Variants in MECOM observed in about 807,000 individuals in gnomAD.
The protein encoded by MECOM is histone-lysine N-methyltransferase MECOM.
In MECOM, 13 loss-of-function variants were observed where a neutral mutation model predicts 116.3. The observed-to-expected ratio is 0.11, with a 90% confidence interval of 0.07 to 0.18. MECOM has a LOEUF of 0.18. Among genes scored for constraint, MECOM ranks in the 10% least tolerant of loss-of-function variants. MECOM has a pLI of 1.00. For synonymous variants in MECOM, 528 were observed against 535.2 expected (o/e 0.99, Z 0.19); for missense variants, 1,299 against 1,509.0 (o/e 0.86, Z 2.31).
intron 2 of MECOM, 150 bp from the exon 3 acceptor site, chr3:169,143,982 G>A (rs188363787): frequency 2.3e-6 from 2 of 855,386 alleles, no homozygotes; most frequent in Admixed American, 3.2e-5. Context: ...GAGGGGAAAT[G>A]AGAAGTTACC....
At chr3:169,626,971 G>T (rs1368210418) in intron 1 of MECOM, among the ~76,000 whole-genome samples, 1 of 151,990 alleles carries the variant, frequency 6.6e-6, no homozygotes, top group Non-Finnish European at 1.5e-5. Flanking sequence ...ACATAACAAT[G>T]CTATATGAGG....
Position 169,369,024 on chromosome 3 carries a change from C to G in MECOM, c.375+12163G>C, listed in dbSNP as rs578160231. On this transcript the variant is annotated intron_variant, in intron 2 of 16. Transcript: ENST00000651503. The stretch of plus-strand genomic sequence containing the variant: ...GATCACCAAGGCAGACAGAGCAAAA[C>G]AGAAGACTCCTCATACTTGAGGAAA... Among the ~76,000 whole-genome samples the G allele has an allele frequency of 5.9e-5, 9 of 152,150 alleles. No individual in the cohort carries two copies. The South Asian group carries it at 1.9e-3, about 32-fold the overall frequency.
At chr3:169,430,679 T>C (rs1433850508) in intron 1 of MECOM, among the ~76,000 whole-genome samples, 2 of 152,216 alleles carry the variant, frequency 1.3e-5, no homozygotes, top group East Asian at 1.9e-4. Context: ...GGTCATTTGT[T>C]ACCTGCTAGT....
At chr3:169,400,451 A>C (rs1735694552) in intron 1 of MECOM, among the ~76,000 whole-genome samples, 5 of 152,206 alleles carry the variant, frequency 3.3e-5, no homozygotes, top group Admixed American at 3.3e-4. Context: ...TGCCCTTTGG[A>C]AATTCTCAAC....
chr3:169,495,299 T>A (rs12637838), intron 1 of MECOM, among the ~76,000 whole-genome samples: 56,404 of 151,982 alleles, frequency 0.37, 10,842 homozygotes, highest in Non-Finnish European at 0.42. Context: ...ACTATAATTG[T>A]ATGTGGGGGA....
intron 2 of MECOM, among the ~76,000 whole-genome samples, chr3:169,207,551 C>G (rs979584436): frequency 3.3e-5 from 5 of 152,112 alleles, no homozygotes; most frequent in African/African-American, 1.2e-4. Flanking sequence ...GTTTAAAGAT[C>G]TAATTTTCTT....
At chr3:169,421,611 A>G (rs1490627690) in intron 1 of MECOM, among the ~76,000 whole-genome samples, 2 of 152,002 alleles carry the variant, frequency 1.3e-5, no homozygotes, top group African/African-American at 2.4e-5. Context: ...CCCTGTTCTT[A>G]CAGCCTAGGC....
chr3:169,492,404 C>T (rs1233574717), intron 1 of MECOM, among the ~76,000 whole-genome samples: 1 of 152,106 alleles, frequency 6.6e-6, no homozygotes, highest in African/African-American at 2.4e-5. Flanking sequence ...TTTGGCCAAC[C>T]TCAGGACTTG....
chr3:169,510,325 G>A (rs1755823681), intron 1 of MECOM, among the ~76,000 whole-genome samples: 1 of 152,156 alleles, frequency 6.6e-6, no homozygotes, highest in South Asian at 2.1e-4. Context: ...CAGCAGTCTT[G>A]ACTTTCACAG....
chr3:169,248,972 C>T (rs1390832240), intron 2 of MECOM, among the ~76,000 whole-genome samples: 2 of 152,158 alleles, frequency 1.3e-5, no homozygotes, highest in Non-Finnish European at 2.9e-5. Flanking sequence ...TAAACTATTA[C>T]AAGTACGTTC....
intron 1 of MECOM, among the ~76,000 whole-genome samples, chr3:169,594,005 C>A (rs1229999906): frequency 1.3e-5 from 2 of 151,752 alleles, no homozygotes; most frequent in Admixed American, 1.3e-4. Context: ...CCTGTAGTCC[C>A]AGCTACTCAG....
chr3:169,658,023 C>T (rs1775741415), intron 1 of MECOM, among the ~76,000 whole-genome samples: 1 of 152,182 alleles, frequency 6.6e-6, no homozygotes, highest in East Asian at 1.9e-4. Flanking sequence ...CTCTTCCTTA[C>T]ACTTGTTCTC....
rs559424109 is a variant in MECOM, at chr3:169,094,516, T to C, written c.3019+560A>G. Reference sequence around the variant, plus strand: ...TAGTTTTATGCCAGTTACTTTTATCTTACTTTCATATAAGAATTTGTGACA... The same window carrying C: ...TAGTTTTATGCCAGTTACTTTTATCCTACTTTCATATAAGAATTTGTGACA... On this transcript the variant is annotated intron_variant, in intron 13 of 16. Coordinates refer to ENST00000651503, the MANE Select transcript of MECOM (RefSeq NM_004991.4). Among the ~76,000 whole-genome samples the C allele has an allele frequency of 1.1e-4, 17 of 152,350 alleles. No homozygotes were observed. The South Asian group carries it at 3.5e-3, about 32-fold the overall frequency.
intron 6 of MECOM, among the ~76,000 whole-genome samples, chr3:169,121,816 T>G (rs1299075537): frequency 6.6e-6 from 1 of 152,006 alleles, no homozygotes; most frequent in East Asian, 1.9e-4. Context: ...CATACAAAAT[T>G]TTAATGTGCA....
rs572841047 is a variant in MECOM at position 169,185,648 on chromosome 3, C to T, written c.376-41816G>A. ...TCTTTTCTACGGTTCACAATAACCT[C>T]TTTCGCCTCTAAACTCCAAGAAAAG... On this transcript the variant is annotated intron_variant, in intron 2 of 16. Coordinates refer to ENST00000651503, the MANE Select transcript of MECOM (RefSeq NM_004991.4). Among the ~76,000 whole-genome samples, 5 of 152,272 alleles carry T rather than the reference C, an allele frequency of 3.3e-5. No homozygotes were observed. The South Asian group carries it at 1.0e-3, about 32-fold the overall frequency.
chr3:169,279,398 T>C (rs1255422346), intron 2 of MECOM, among the ~76,000 whole-genome samples: 2 of 152,166 alleles, frequency 1.3e-5, no homozygotes, highest in East Asian at 1.9e-4. Flanking sequence ...CCAGAGTAAG[T>C]TGCTTGTTAC....
chr3:169,569,614 G>A (rs1763642764), intron 1 of MECOM, among the ~76,000 whole-genome samples: 1 of 152,136 alleles, frequency 6.6e-6, no homozygotes, highest in Admixed American at 6.6e-5. Flanking sequence ...CAAAAGAATG[G>A]AAATCATAAC....
At chr3:169,348,242 T>C (rs951152625) in intron 2 of MECOM, among the ~76,000 whole-genome samples, 2 of 152,064 alleles carry the variant, frequency 1.3e-5, no homozygotes, top group African/African-American at 4.8e-5. Context: ...GTGAATGCCC[T>C]TAGAAAAATT....
At chr3:169,320,191 T>G (rs527463277) in intron 2 of MECOM, among the ~76,000 whole-genome samples, 1 of 152,264 alleles carries the variant, frequency 6.6e-6, no homozygotes, top group Non-Finnish European at 1.5e-5. Context: ...CTTTTTAGGA[T>G]GGGAGAATTT....
Sources: gnomAD v4.1 joint callset for allele counts (sites outside exome capture counted in the v4.1 genomes callset) on GRCh38, gnomAD v4.1.1 for gene constraint, MANE v1.5 for transcripts, NCBI Gene and HGNC (gene_info 2026-07-23, HGNC 2026-07-21) for gene names.